NAV2: variants seen among roughly 807,000 people sequenced by gnomAD.
The protein encoded by NAV2 is helicase, APC down-regulated 1.
A neutral mutation model predicts 223.2 loss-of-function variants in NAV2; 54 were observed. The ratio of observed to expected loss-of-function variants is 0.24; its 90% CI spans 0.19 to 0.30. The LOEUF is 0.30. NAV2 is among the 10% of genes least tolerant of loss of function. The pLI is 1.00. For missense variants in NAV2, 2,806 were observed against 3,147.5 expected, an observed-to-expected ratio of 0.89 and a Z score of 2.60; for synonymous variants, 1,279 against 1,239.3, an observed-to-expected ratio of 1.03 and a Z score of -0.67.
chr11:19,767,394 C>T (rs2055322307), intron 1 of NAV2, among the ~76,000 whole-genome samples: 1 of 152,170 alleles, frequency 6.6e-6, no homozygotes. Context: ...TGACCTTGAA[C>T]CAGGCATTTC....
intron 5 of NAV2, 97 bp downstream of exon 5, chr11:19,880,224 C>T: frequency 7.0e-7 from 1 of 1,425,850 alleles, no homozygotes; most frequent in Non-Finnish European, 9.3e-7. Context: ...TTCATTTGTG[C>T]TTCTTCAATG....
At chr11:19,842,279 ATATGTG>A (rs1395128767) in intron 2 of NAV2, among the ~76,000 whole-genome samples, 1 of 152,108 alleles carries the variant, frequency 6.6e-6, no homozygotes, top group Non-Finnish European at 1.5e-5. Context: ...CTGGACACAC[ATATGTG>A]TGTCCCTTGA....
At chr11:19,971,173 G>A (rs573662836) in intron 10 of NAV2, among the ~76,000 whole-genome samples, 33 of 152,208 alleles carry the variant, frequency 2.2e-4, no homozygotes, top group African/African-American at 7.0e-4. Flanking sequence ...TGGCCCCACA[G>A]GCACGTTTTT....
intron 1 of NAV2, among the ~76,000 whole-genome samples, chr11:19,643,285 G>C (rs924244328): frequency 4.6e-5 from 7 of 151,920 alleles, no homozygotes; most frequent in Admixed American, 4.6e-4. Context: ...TTTAACATTA[G>C]ACATATCTCC....
In NAV2 at chr11:19,627,926, AAAG is replaced by A. The variant is rs962025631; in HGVS notation, c.76-204538_76-204536del. Among the ~76,000 whole-genome samples the A allele has an allele frequency of 5.9e-3, 828 of 139,828 alleles. 177 individuals carry two copies. The highest frequency in any genetic ancestry group is 0.033 in the Middle Eastern group (9 of 274). The allele number at this position is 139,828 out of a possible 152,430, so 91.7% of individuals were successfully genotyped here. On this transcript the variant is annotated intron_variant, in intron 1 of 37. Transcript: ENST00000360655. ...TTCCTTGTTTTCAAAAAAAAAAAAA[AAAG>A]AAGAAGAAGAAGAAGAAGAGATAAT...
intron 6 of NAV2, among the ~76,000 whole-genome samples, chr11:19,927,021 G>A (rs2044819691): frequency 6.6e-6 from 1 of 152,208 alleles, no homozygotes; most frequent in East Asian, 1.9e-4. Flanking sequence ...CATTTAGAAA[G>A]CATTTTGGTT....
intron 11 of NAV2, among the ~76,000 whole-genome samples, chr11:20,006,353 A>T (rs2053070821): frequency 6.6e-6 from 1 of 151,952 alleles, no homozygotes; most frequent in Admixed American, 6.6e-5. Context: ...TCTTCTGAAA[A>T]ATGTTTAACC....
At chr11:20,091,467 T>C (rs1010857821) in intron 27 of NAV2, among the ~76,000 whole-genome samples, 1 of 152,176 alleles carries the variant, frequency 6.6e-6, no homozygotes, top group African/African-American at 2.4e-5. Context: ...AGTTAGACCC[T>C]TCCCTTAATG....
chr11:19,381,820 A>G (rs772273674), intron 1 of NAV2, among the ~76,000 whole-genome samples: 4 of 152,224 alleles, frequency 2.6e-5, no homozygotes, highest in African/African-American at 4.8e-5. Context: ...CCAGAGAAAG[A>G]GAGATGGGAG....
intron 13 of NAV2, among the ~76,000 whole-genome samples, chr11:20,044,694 A>G (rs183236024): frequency 3.0e-4 from 45 of 152,308 alleles, no homozygotes; most frequent in African/African-American, 1.1e-3. Context: ...CAGGAAAGGC[A>G]GGGGGTTCTT....
chr11:19,982,197 T>C (rs1158879025), intron 10 of NAV2, among the ~76,000 whole-genome samples: 2 of 152,168 alleles, frequency 1.3e-5, no homozygotes, highest in East Asian at 3.8e-4. Flanking sequence ...TTAATTCATA[T>C]ATCATGAAAT....
At chr11:19,896,311 C>T (rs965731945) in intron 6 of NAV2, among the ~76,000 whole-genome samples, 1 of 152,162 alleles carries the variant, frequency 6.6e-6, no homozygotes, top group Non-Finnish European at 1.5e-5. Context: ...GCCCATTAAA[C>T]AATAACTCTC....
intron 1 of NAV2, chr11:19,402,119 G>A (rs926636817): frequency 3.9e-5 from 6 of 152,166 alleles, no homozygotes; most frequent in African/African-American, 1.4e-4. Flanking sequence ...GGCCCACCCA[G>A]GGTCACACAG....
At chr11:20,111,035 C>T (rs569662463) in intron 36 of NAV2, among the ~76,000 whole-genome samples, 1 of 152,162 alleles carries the variant, frequency 6.6e-6, no homozygotes, top group African/African-American at 2.4e-5. Flanking sequence ...CACAGGTACA[C>T]CCGTGCCAGG....
intron 24 of NAV2, among the ~76,000 whole-genome samples, 179 bp from the exon 25 acceptor site, chr11:20,079,885 G>C (rs2059982914): frequency 6.6e-6 from 1 of 152,190 alleles, no homozygotes; most frequent in Non-Finnish European, 1.5e-5. Context: ...TGACCAAAGA[G>C]GGCAATGCAC....
At chr11:19,716,808 C>G (rs2050351824) in intron 1 of NAV2, among the ~76,000 whole-genome samples, 1 of 152,118 alleles carries the variant, frequency 6.6e-6, no homozygotes, top group South Asian at 2.1e-4. Flanking sequence ...TGGCCAAATC[C>G]TTATATATCA....
chr11:19,996,597 T>C (rs909565758), intron 11 of NAV2, among the ~76,000 whole-genome samples: 9 of 152,258 alleles, frequency 5.9e-5, no homozygotes, highest in Admixed American at 1.3e-4. Flanking sequence ...GAGTTTCCCC[T>C]GTCATGTTGA....
At chr11:20,025,383 G>T (rs931897426) in intron 11 of NAV2, among the ~76,000 whole-genome samples, 2 of 152,232 alleles carry the variant, frequency 1.3e-5, no homozygotes, top group African/African-American at 4.8e-5. Context: ...ACTAGGATGA[G>T]TTTGTTGATA....
At chr11:20,062,196 A>C (rs932917827) in intron 19 of NAV2, 111 bp from the exon 20 acceptor site, 1 of 664,372 alleles carries the variant, frequency 1.5e-6, no homozygotes, top group Admixed American at 3.0e-5. Flanking sequence ...AGGTGAGATT[A>C]AGTCATTCCA....
Sources: allele counts gnomAD v4.1 joint callset (sites outside exome capture counted in the v4.1 genomes callset), GRCh38; gene constraint gnomAD v4.1.1; transcripts MANE v1.5; gene names NCBI Gene and HGNC (gene_info 2026-07-23, HGNC 2026-07-21).